The following PLD2 variants were observed in gnomAD, a reference collection of about 807,000 sequenced individuals.
PLD2 encodes phospholipase D2.
In PLD2, 101 loss-of-function variants were observed where a neutral mutation model predicts 119.8. That is an observed-to-expected ratio of 0.84 (90% CI 0.72 to 0.99). The LOEUF is 0.99. Ranked by LOEUF, PLD2 falls within the 50% of genes least tolerant of loss-of-function variation. PLD2 has a pLI of 0.00. For synonymous variants in PLD2, 494 were observed against 482.8 expected, an observed-to-expected ratio of 1.02 and a Z score of -0.30; for missense variants, 1,164 against 1,226.8, an observed-to-expected ratio of 0.95 and a Z score of 0.76.
rs753155727 is a variant in PLD2, at chr17:4,821,897, T to A, written c.2567T>A (p.Ile856Asn). The change falls in exon 24 of 25, where the codon ATC becomes AAC. Residue 856 changes from isoleucine to asparagine, a missense_variant. Coordinates refer to ENST00000263088, the MANE Select transcript of PLD2 (RefSeq NM_002663.5). ...GACATGGCTGAGAGCAACGCCAATA[T>A]CTATGAGCAGGTGGGAACTTGGGAG... is the stretch of plus-strand genomic sequence containing the variant. Reference protein sequence around the residue: ...WQDMAESNANIYEQIFRCLPS... With the variant: ...WQDMAESNANNYEQIFRCLPS... 51 of 1,611,060 alleles carry A rather than the reference T, an allele frequency of 3.2e-5. No individual in the cohort carries two copies. The Middle Eastern group carries it at 4.9e-4, about 16-fold the overall frequency.
In PLD2 at chr17:4,809,155, C is replaced by CT. The variant is rs1254337100; in HGVS notation, c.440dup (p.Pro148ThrfsTer6). ...TGCAGGCAACAGAGAGATGCCCTCT[C>CT]TACCCCGGGCAGGTCCTGAGGGCTC... is the stretch of plus-strand genomic sequence containing the variant. On this transcript the variant is annotated frameshift_variant, in exon 5 of 25. Coordinates refer to ENST00000263088, the MANE Select transcript of PLD2 (RefSeq NM_002663.5). LOFTEE classifies it high-confidence loss of function. 1 of 1,614,216 alleles carries CT rather than the reference C, an allele frequency of 6.2e-7. No individual in the cohort carries two copies. Among genetic ancestry groups the CT allele is most frequent in the Non-Finnish European group, 8.5e-7 (1 of 1,180,032 alleles).
chr17:4,820,805 T>A (rs982958780), intron 23 of PLD2, among the ~76,000 whole-genome samples: 2 of 149,186 alleles, frequency 1.3e-5, no homozygotes, highest in Non-Finnish European at 3.0e-5. Flanking sequence ...CTAGATCTCT[T>A]GACCTCGTGA....
At position 4,819,200 on chromosome 17, in the gene PLD2, G is replaced by A. The variant is rs965868424; in HGVS notation, c.2290G>A (p.Asp764Asn). ...YIHSKVLIAD[D>N]RTVIIGSANI... The stretch of plus-strand genomic sequence containing the variant: ...CCACAGCAAGGTGCTCATCGCAGAT[G>A]ACCGGACAGTCATCATTGGTCAGTG... The change falls in exon 22 of 25, where the codon GAC (aspartate) becomes AAC (asparagine). Residue 764 changes from aspartate (D) to asparagine (N), a missense_variant. Coordinates refer to ENST00000263088, the MANE Select transcript of PLD2 (RefSeq NM_002663.5). The surrounding 1 kb of genome is among the most constrained non-coding windows in gnomAD (Gnocchi z 4.2). 8 of 1,614,146 alleles carry A rather than the reference G, an allele frequency of 5.0e-6. No homozygotes were observed. Among genetic ancestry groups the A allele is most frequent in the Non-Finnish European group, 5.9e-6 (7 of 1,180,028 alleles).
intron 4 of PLD2, 47 bp from the exon 5 acceptor site, chr17:4,809,053 A>T: frequency 7.0e-7 from 1 of 1,437,416 alleles, no homozygotes; most frequent in Non-Finnish European, 9.8e-7. Flanking sequence ...GAACCAGAGC[A>T]CCCAGCCTCC....
In PLD2 at chr17:4,809,740, A is replaced by G; in HGVS notation, c.664A>G (p.Thr222Ala). Reference sequence around the variant, plus strand: ...AGGTGGCCACCGTGTTCCTGGCCTCACCTGCTGTGGCCGAGACCAAGTTTG... The same window carrying G: ...AGGTGGCCACCGTGTTCCTGGCCTCGCCTGCTGTGGCCGAGACCAAGTTTG... The part of the protein sequence containing the change: ...RSGGHRVPGL[T>A]CCGRDQVCYR... Residue 222 changes from threonine (T) to alanine (A), a missense_variant, in exon 8 of 25, where the codon ACC (threonine) becomes GCC (alanine). Coordinates refer to ENST00000263088, the MANE Select transcript of PLD2 (RefSeq NM_002663.5). 1 of 1,614,120 alleles carries G rather than the reference A, an allele frequency of 6.2e-7. No homozygotes were observed. Among genetic ancestry groups the G allele is most frequent in the Non-Finnish European group, 8.5e-7 (1 of 1,180,026 alleles).
rs150073459 is a variant in PLD2, at chr17:4,807,875, G to A, written c.103G>A (p.Asp35Asn). Reference protein sequence around the residue: ...DEVDTLKEGEDPADRMHPFLA... With the variant: ...DEVDTLKEGENPADRMHPFLA... The stretch of plus-strand genomic sequence containing the variant: ...GGTGGACACCCTGAAGGAGGGAGAG[G>A]ACCCAGGTACACAGGGAAGATGGAT... Residue 35 changes from aspartate to asparagine, a missense_variant, in exon 2 of 25, where the codon GAC becomes AAC. By Grantham distance (23) the Asp-to-Asn change is conservative. Coordinates refer to ENST00000263088, the MANE Select transcript of PLD2 (RefSeq NM_002663.5). The surrounding 1 kb of genome is among the most constrained non-coding windows in gnomAD (Gnocchi z 5.4). 135 of 1,612,884 alleles carry A rather than the reference G, an allele frequency of 8.4e-5. No homozygotes were observed. In the African/African-American group the frequency reaches 1.7e-3, roughly 20 times the overall value.
At position 4,810,905 on chromosome 17, in the gene PLD2, C is replaced by T. The variant is rs757264558; in HGVS notation, c.964C>T (p.Arg322Trp). The change falls in exon 10 of 25, where the codon CGG (arginine) becomes TGG (tryptophan). Residue 322 changes from arginine to tryptophan, a missense_variant. Transcript: ENST00000263088. ...AGGCAGAGACTTCCTACAGCTGCAC[C>T]GGCATGACAGCTACGCCCCACCCCG... ...GPGRDFLQLH[R>W]HDSYAPPRPG... The T allele has an allele frequency of 1.5e-5, 24 of 1,613,480 alleles. No homozygotes were observed. Among genetic ancestry groups the T allele is most frequent in the African/African-American group, 9.3e-5 (7 of 74,888 alleles).
rs556574527 is a variant in PLD2, at chr17:4,808,061, G to A, written c.187G>A (p.Val63Ile). 5 of 1,612,276 alleles carry A rather than the reference G, an allele frequency of 3.1e-6. No individual in the cohort carries two copies. The South Asian group carries it at 3.3e-5, about 11-fold the overall frequency. ...GCACCCCTTGGTGTTCGCACCTGGG[G>A]TCCCTGTCACAGCCCAGGTGGTGGG... ...KVHPLVFAPGVPVTAQVVGTE... is the reference protein window; with the variant it reads ...KVHPLVFAPGIPVTAQVVGTE... Residue 63 changes from valine (V) to isoleucine (I), a missense_variant, in exon 3 of 25, where the codon GTC (valine) becomes ATC (isoleucine). Physicochemically the swap from Val to Ile is conservative, Grantham distance 29. Coordinates refer to ENST00000263088, the MANE Select transcript of PLD2 (RefSeq NM_002663.5). The surrounding 1 kb of genome is among the most constrained non-coding windows in gnomAD (Gnocchi z 4.1).
chr17:4,817,995 T>G lies in PLD2; in HGVS notation c.1816-7T>G. ...AAATGAAGCACATCGCATTCACCAT[T>G]CCCTAGGTCTTGCGATCAGTGGACC... On this transcript the variant is annotated splice_region_variant and splice_polypyrimidine_tract_variant and intron_variant, in intron 17 of 24. Transcript: ENST00000263088. The G allele has an allele frequency of 6.3e-7, 1 of 1,591,108 alleles. No homozygotes were observed. The highest frequency in any genetic ancestry group is 8.6e-7 in the Non-Finnish European group (1 of 1,159,172).
chr17:4,812,757 G>C (rs562810711), intron 10 of PLD2, among the ~76,000 whole-genome samples: 1 of 152,268 alleles, frequency 6.6e-6, no homozygotes, highest in East Asian at 1.9e-4. Flanking sequence ...GATTGCGTGG[G>C]AACATACACT....
At chr17:4,810,166 G>C (rs1906314019) in intron 9 of PLD2, 137 bp downstream of exon 9, 2 of 867,072 alleles carry the variant, frequency 2.3e-6, no homozygotes, top group Non-Finnish European at 3.5e-6. Context: ...TTTTGAACCA[G>C]GAACTGGTCT....
rs368018438 is a variant in PLD2 at position 4,815,844 on chromosome 17, G to C, written c.1365G>C (p.Leu455=). Residue 455 remains leucine (L), a synonymous_variant, in exon 14 of 25, where the codon CTG becomes CTC. Transcript: ENST00000263088. ...TGGTGGACCAAGTGGTAGCATTCCT[G>C]GGGGGACTGGACCTTGCCTATGGCC... The part of the protein sequence containing the change: ...LLVVDQVVAF[L]GGLDLAYGRW... The C allele has an allele frequency of 1.1e-5, 17 of 1,613,836 alleles. No homozygotes were observed. The African/African-American group carries it at 1.3e-4, about 13-fold the overall frequency.
chr17:4,810,344 C>G (rs1208081090), intron 9 of PLD2, among the ~76,000 whole-genome samples: 1 of 152,126 alleles, frequency 6.6e-6, no homozygotes, highest in African/African-American at 2.4e-5. Flanking sequence ...TAGGATCCAA[C>G]TATGAGTAAG....
chr17:4,815,775 C>T lies in PLD2; in HGVS notation c.1296C>T (p.His432=). 2 of 1,614,034 alleles carry T rather than the reference C, an allele frequency of 1.2e-6. No individual in the cohort carries two copies. The highest frequency in any genetic ancestry group is 1.3e-5 in the African/African-American group (1 of 75,038). Reference sequence around the variant, plus strand: ...CATGCCTGCTCCAGGTGATGCGTCACCCAGACCAAGTGACGTTGTGGGCCC... The same window carrying T: ...CATGCCTGCTCCAGGTGATGCGTCATCCAGACCAAGTGACGTTGTGGGCCC... The part of the protein sequence containing the change: ...LLHPNIKVMR[H]PDQVTLWAHH... The change falls in exon 14 of 25, where the codon CAC becomes CAT. Residue 432 remains histidine, a synonymous_variant. Transcript: ENST00000263088.
At chr17:4,821,988 G>A (rs111658683) in intron 24 of PLD2, 81 bp downstream of exon 24, 23 of 857,858 alleles carry the variant, frequency 2.7e-5, no homozygotes, top group African/African-American at 9.9e-5. Flanking sequence ...GGAGAGAAGC[G>A]CCACCATACA....
chr17:4,814,661 C>T lies in PLD2; in HGVS notation c.1123C>T (p.Pro375Ser). Residue 375 changes from proline to serine, a missense_variant, in exon 12 of 25, where the codon CCG (proline) becomes TCG (serine). Physicochemically the swap from Pro to Ser is moderately conservative, Grantham distance 74. Transcript: ENST00000263088. ...WLSPEVYLKR[P>S]AHSDDWRLDI... ...GAGTCCTGAGGTTTACCTGAAGCGT[C>T]CGGCCCATTCAGATGACTGGAGACT... 6.2e-7 allele frequency: 1 copy of T among 1,613,966 alleles called. No homozygotes were observed. The highest frequency in any genetic ancestry group is 2.2e-5 in the East Asian group (1 of 44,888).
At position 4,815,594 on chromosome 17, in the gene PLD2, T is replaced by G. The variant is rs368272563; in HGVS notation, c.1284+8T>G. 12 of 1,608,244 alleles carry G rather than the reference T, an allele frequency of 7.5e-6. No individual in the cohort carries two copies. The highest frequency in any genetic ancestry group is 1.3e-5 in the African/African-American group (1 of 74,748). On this transcript the variant is annotated splice_region_variant and intron_variant, in intron 13 of 24. Coordinates refer to ENST00000263088, the MANE Select transcript of PLD2 (RefSeq NM_002663.5). ...CTGCACCCCAACATAAAGGTGACTC[T>G]CGGCCTCAGAGACCCTCCCACATGA...
At position 4,818,802 on chromosome 17, in the gene PLD2, C is replaced by T. The variant is rs769508460; in HGVS notation, c.2152C>T (p.Leu718=). 26 of 1,614,034 alleles carry T rather than the reference C, an allele frequency of 1.6e-5. No individual in the cohort carries two copies. Among genetic ancestry groups the T allele is most frequent in the Non-Finnish European group, 2.2e-5 (26 of 1,180,018 alleles). The part of the protein sequence containing the change: ...RTLCRGEYSI[L]HRLKAAMGTA... ...CCTGTGTCGTGGGGAGTATTCAATC[C>T]TGCATCGCCTTAAAGCAGCCAGTGA... The change falls in exon 21 of 25, where the codon CTG becomes TTG. Residue 718 remains leucine, a synonymous_variant. Coordinates refer to ENST00000263088, the MANE Select transcript of PLD2 (RefSeq NM_002663.5).
At chr17:4,817,861 G>A in intron 17 of PLD2, 141 bp from the exon 18 acceptor site, 2 of 580,360 alleles carry the variant, frequency 3.4e-6, no homozygotes, top group Non-Finnish European at 3.1e-6. Context: ...AGGAGGCTGA[G>A]GCAGGAGAAT....
Sources: gnomAD v4.1 joint callset for allele counts (sites outside exome capture counted in the v4.1 genomes callset) on GRCh38, gnomAD v4.1.1 for gene constraint, Gnocchi (gnomAD v3.1) non-coding constraint, MANE v1.5 for transcripts, NCBI Gene and HGNC (gene_info 2026-07-23, HGNC 2026-07-21) for gene names.